The following TBL1Y variants were observed in gnomAD, a reference collection of about 807,000 sequenced individuals.
TBL1Y encodes the protein F-box-like/WD repeat-containing protein TBL1Y.
In TBL1Y, 15 loss-of-function variants were observed where a neutral mutation model predicts 12.0. That is an observed-to-expected ratio of 1.25 (90% CI 0.83 to 1.92). The LOEUF is 1.92. Among genes scored for constraint, TBL1Y ranks in the 40% most tolerant of loss-of-function variants. The probability of loss-of-function intolerance (pLI) is 0.00; values close to 1 mark genes in which losing one functional copy is unlikely to be tolerated. For synonymous variants in TBL1Y, 53 were observed against 42.6 expected, an observed-to-expected ratio of 1.24 and a Z score of -0.95; for missense variants, 148 against 116.7, an observed-to-expected ratio of 1.27 and a Z score of -1.24.
At chrY:7,046,482 A>T in intron 7 of TBL1Y, among the ~76,000 whole-genome samples, 1 of 34,039 alleles carries the variant, frequency 2.9e-5, no homozygotes. Flanking sequence ...TCTATTATTT[A>T]GCATAACTTT....
At chrY:7,088,623 A>G (rs2013155369) in intron 17 of TBL1Y, among the ~76,000 whole-genome samples, 1 of 32,650 alleles carries the variant, frequency 3.1e-5, no homozygotes, top group Admixed American at 2.8e-4. Context: ...AGAAATAGTA[A>G]TGGGTGGATT....
At chrY:6,981,162 C>T in intron 3 of TBL1Y, among the ~76,000 whole-genome samples, 2 of 33,119 alleles carry the variant, frequency 6.0e-5, no homozygotes, top group Non-Finnish European at 1.5e-4. Flanking sequence ...AATATTATAC[C>T]GCATCAAAGC....
chrY:6,963,230 G>A (rs1603030880), intron 2 of TBL1Y, among the ~76,000 whole-genome samples: 1 of 32,939 alleles, frequency 3.0e-5, no homozygotes, highest in African/African-American at 1.2e-4. Flanking sequence ...GTCCTGTAAC[G>A]GACTTGTTTA....
At chrY:7,072,199 C>A (rs2013039838) in intron 12 of TBL1Y, among the ~76,000 whole-genome samples, 1 of 33,780 alleles carries the variant, frequency 3.0e-5, no homozygotes, top group Non-Finnish European at 7.3e-5. Context: ...TTTGCCTGGC[C>A]AATGATTTTT....
chrY:7,072,874 T>C, intron 12 of TBL1Y, among the ~76,000 whole-genome samples: 1 of 34,000 alleles, frequency 2.9e-5, no homozygotes, highest in African/African-American at 1.1e-4. Flanking sequence ...CTAGCTGGAA[T>C]GGTGACCCCA....
chrY:7,081,612 G>A, intron 14 of TBL1Y, among the ~76,000 whole-genome samples: 2 of 33,489 alleles, frequency 6.0e-5, no homozygotes, highest in African/African-American at 1.2e-4. Context: ...TTAAAGTTTT[G>A]CACCTGTATA....
intron 6 of TBL1Y, among the ~76,000 whole-genome samples, chrY:7,039,575 A>T: frequency 6.0e-5 from 2 of 33,347 alleles, no homozygotes. Context: ...GCACATACAA[A>T]TCTGAAAGGA....
At chrY:7,055,661 G>A in intron 7 of TBL1Y, among the ~76,000 whole-genome samples, 1 of 33,171 alleles carries the variant, frequency 3.0e-5, no homozygotes, top group African/African-American at 1.2e-4. Flanking sequence ...AAAAGAGTAC[G>A]TGTTTTTACC....
In TBL1Y at chrY:7,091,464, C is replaced by G. The variant is rs764562515; in HGVS notation, c.1549-8C>G. ...TGAAGATGACAAGTACTTTGTCTTTCCTTCCAGGTGTGTGTTCTGGATCTG... is the reference window on the plus strand; with the variant it reads ...TGAAGATGACAAGTACTTTGTCTTTGCTTCCAGGTGTGTGTTCTGGATCTG... On this transcript the variant is annotated splice_polypyrimidine_tract_variant and splice_region_variant and intron_variant, in intron 18 of 18. Transcript: ENST00000383032. 5.3e-6 allele frequency: 2 copies of G among 380,090 alleles called. No homozygotes were observed. The highest frequency in any genetic ancestry group is 6.9e-5 in the South Asian group (2 of 28,823). 94.8% of individuals were successfully genotyped at this position (380,090 alleles called of 400,897 possible).
chrY:7,029,760 A>G (rs952109808), intron 6 of TBL1Y, among the ~76,000 whole-genome samples: 2 of 33,743 alleles, frequency 5.9e-5, no homozygotes, highest in African/African-American at 1.2e-4. Context: ...TGTTCTGTTC[A>G]TAGAGTTTTG....
chrY:6,911,166 A>G (rs2011688940), intron 1 of TBL1Y, among the ~76,000 whole-genome samples, 184 bp downstream of exon 1: 2 of 34,528 alleles, frequency 5.8e-5, no homozygotes, highest in African/African-American at 2.2e-4. Context: ...CGCTCCCTGG[A>G]CTCAACAATA....
chrY:7,082,379 C>T, intron 14 of TBL1Y, among the ~76,000 whole-genome samples: 1 of 33,359 alleles, frequency 3.0e-5, no homozygotes, highest in African/African-American at 1.2e-4. Context: ...TCAGATATCT[C>T]TCAAATTCTC....
chrY:6,926,229 A>G, intron 2 of TBL1Y, among the ~76,000 whole-genome samples: 1 of 34,241 alleles, frequency 2.9e-5, no homozygotes, highest in African/African-American at 1.1e-4. Context: ...TATTTAATAA[A>G]TAAATTACAT....
chrY:7,061,543 C>A (rs2012866819), intron 7 of TBL1Y, among the ~76,000 whole-genome samples: 1 of 32,271 alleles, frequency 3.1e-5, no homozygotes, highest in Non-Finnish European at 7.6e-5. Flanking sequence ...CTTCCTCTCT[C>A]TTTCTCTCTC....
intron 7 of TBL1Y, among the ~76,000 whole-genome samples, chrY:7,059,932 C>T (rs2012848499): frequency 3.0e-5 from 1 of 33,075 alleles, no homozygotes; most frequent in Non-Finnish European, 7.4e-5. Context: ...TAATGTCTGA[C>T]CATAAGGTAA....
chrY:6,963,105 A>G, intron 2 of TBL1Y, among the ~76,000 whole-genome samples: 1 of 33,285 alleles, frequency 3.0e-5, no homozygotes, highest in Non-Finnish European at 7.4e-5. Flanking sequence ...GGCCCCATAA[A>G]TTAATTGGAA....
At chrY:6,939,569 A>C in intron 2 of TBL1Y, among the ~76,000 whole-genome samples, 2 of 32,157 alleles carry the variant, frequency 6.2e-5, no homozygotes, top group African/African-American at 2.4e-4. Flanking sequence ...GGGGGCCATA[A>C]TTCTGCCTAT....
At chrY:7,065,180 G>A (rs769308652) in intron 8 of TBL1Y, among the ~76,000 whole-genome samples, 8 of 33,332 alleles carry the variant, frequency 2.4e-4, no homozygotes, top group Admixed American at 1.9e-3. Context: ...CAAATCTCTA[G>A]TTCCCTTGTG....
At chrY:6,937,647 G>A (rs755418302) in intron 2 of TBL1Y, among the ~76,000 whole-genome samples, 20 of 33,353 alleles carry the variant, frequency 6.0e-4, no homozygotes, top group African/African-American at 2.1e-3. Context: ...AAGGCAGCTG[G>A]AGACACAGGC....
Sources: gnomAD v4.1 joint callset for allele counts (sites outside exome capture counted in the v4.1 genomes callset) on GRCh38, gnomAD v4.1.1 for gene constraint, MANE v1.5 for transcripts, NCBI Gene and HGNC (gene_info 2026-07-23, HGNC 2026-07-21) for gene names.